The following LRRK2 variants were observed in gnomAD, a reference collection of about 807,000 sequenced individuals.
LRRK2 encodes the protein leucine-rich repeat serine/threonine-protein kinase 2.
In LRRK2, 203 loss-of-function variants were observed where a neutral mutation model predicts 302.6. That is an observed-to-expected ratio of 0.67 (90% CI 0.60 to 0.75). LRRK2 has a LOEUF of 0.75. LRRK2 is among the 30% of genes least tolerant of loss of function. The pLI, the probability that LRRK2 is intolerant of heterozygous loss-of-function variation, is 0.00. For synonymous variants in LRRK2, 1,066 were observed against 1,031.9 expected (o/e 1.03, Z -0.63); for missense variants, 2,830 against 2,951.0 (o/e 0.96, Z 0.95).
intron 33 of LRRK2, among the ~76,000 whole-genome samples, chr12:40,318,160 A>C (rs1220594505): frequency 3.3e-5 from 5 of 152,068 alleles, no homozygotes; most frequent in Non-Finnish European, 5.9e-5. Context: ...TAGGCCAAGG[A>C]CTGGCAAAAA....
intron 42 of LRRK2, among the ~76,000 whole-genome samples, 185 bp downstream of exon 42, chr12:40,347,108 C>G (rs1387775912): frequency 6.6e-6 from 1 of 152,018 alleles, no homozygotes; most frequent in Non-Finnish European, 1.5e-5. Flanking sequence ...CAGTTTTAGG[C>G]TTTTTAAAAA....
intron 47 of LRRK2, among the ~76,000 whole-genome samples, chr12:40,359,953 A>G (rs1302444231): frequency 6.6e-6 from 1 of 152,200 alleles, no homozygotes; most frequent in African/African-American, 2.4e-5. Context: ...ACAAGAATAA[A>G]ATAAAATATT....
Position 40,274,618 on chromosome 12 carries a change from A to T in LRRK2, c.1692A>T (p.Leu564Phe). Residue 564 changes from leucine (L) to phenylalanine (F), a missense_variant, in exon 15 of 51, where the codon TTA (leucine) becomes TTT (phenylalanine). Transcript: ENST00000298910. ...IGNPGIQKCG[L>F]KVISSIVHFP... Reference sequence around the variant, plus strand: ...ATCCTGGGATTCAGAAATGTGGATTAAAAGTAATTTCTTCTATTGTACATT... The same window carrying T: ...ATCCTGGGATTCAGAAATGTGGATTTAAAGTAATTTCTTCTATTGTACATT... 1 of 1,613,902 alleles carries T rather than the reference A, an allele frequency of 6.2e-7. No individual in the cohort carries two copies. The highest frequency in any genetic ancestry group is 8.5e-7 in the Non-Finnish European group (1 of 1,179,858).
intron 44 of LRRK2, among the ~76,000 whole-genome samples, chr12:40,352,927 G>T (rs138382676): frequency 6.6e-6 from 1 of 152,046 alleles, no homozygotes; most frequent in Non-Finnish European, 1.5e-5. Context: ...TTTTCTACTC[G>T]ACAAAACCGC....
At chr12:40,296,105 A>T (rs906300768) in intron 23 of LRRK2, among the ~76,000 whole-genome samples, 2 of 152,114 alleles carry the variant, frequency 1.3e-5, no homozygotes, top group African/African-American at 4.8e-5. Flanking sequence ...CAACTAAATG[A>T]TTACTGAAAG....
chr12:40,299,705 G>T (rs964120091), intron 25 of LRRK2, among the ~76,000 whole-genome samples: 1 of 152,112 alleles, frequency 6.6e-6, no homozygotes, highest in African/African-American at 2.4e-5. Flanking sequence ...GCAGTATAAA[G>T]AATGAACCCT....
chr12:40,332,958 C>T (rs1258241636), intron 39 of LRRK2, among the ~76,000 whole-genome samples: 2 of 40,596 alleles, frequency 4.9e-5, no homozygotes, highest in Admixed American at 6.0e-4. Flanking sequence ...TGCTTCTTCT[C>T]TTAAAAAAAA....
In LRRK2 at chr12:40,263,820, A is replaced by G; in HGVS notation, c.1575A>G (p.Glu525=). ...GMPEESREDT[E]FHHKLNMVKK... ...CAGAAGAATCCAGGGAGGATACAGA[A>G]TTTCATCATAAGCTAAATATGGTTA... Residue 525 remains glutamate, a synonymous_variant, in exon 14 of 51, where the codon GAA becomes GAG. Coordinates refer to ENST00000298910, the MANE Select transcript of LRRK2 (RefSeq NM_198578.4). 1 of 1,613,236 alleles carries G rather than the reference A, an allele frequency of 6.2e-7. No homozygotes were observed. Among genetic ancestry groups the G allele is most frequent in the Non-Finnish European group, 8.5e-7 (1 of 1,179,442 alleles).
intron 41 of LRRK2, among the ~76,000 whole-genome samples, chr12:40,343,051 T>A (rs1946096144): frequency 6.6e-6 from 1 of 152,196 alleles, no homozygotes; most frequent in African/African-American, 2.4e-5. Flanking sequence ...TACAAGGTCC[T>A]ATGGGACAAA....
intron 7 of LRRK2, 54 bp downstream of exon 7, chr12:40,243,735 TAAAAC>T: frequency 4.7e-6 from 7 of 1,497,232 alleles, no homozygotes; most frequent in South Asian, 1.1e-5. Flanking sequence ...CATATACATA[TAAAAC>T]ATATATATGT....
intron 39 of LRRK2, among the ~76,000 whole-genome samples, chr12:40,334,023 G>C (rs1344283430): frequency 6.6e-6 from 1 of 152,154 alleles, no homozygotes; most frequent in Non-Finnish European, 1.5e-5. Context: ...AGGGAAATGG[G>C]AAGTCATTAG....
chr12:40,355,777 C>G (rs1222483530), intron 45 of LRRK2, among the ~76,000 whole-genome samples: 1 of 151,988 alleles, frequency 6.6e-6, no homozygotes, highest in African/African-American at 2.4e-5. Context: ...CTCCTGACCT[C>G]AGGTGATCTG....
At chr12:40,254,377 A>G (rs923815433) in intron 11 of LRRK2, among the ~76,000 whole-genome samples, 2 of 152,142 alleles carry the variant, frequency 1.3e-5, no homozygotes, top group African/African-American at 4.8e-5. Flanking sequence ...CACCTCTCCA[A>G]TGGCACTTTA....
At chr12:40,309,867 A>C (rs1944977895) in intron 30 of LRRK2, among the ~76,000 whole-genome samples, 1 of 152,182 alleles carries the variant, frequency 6.6e-6, no homozygotes. Context: ...AATTGGCTGC[A>C]TACATGCTTG....
At chr12:40,356,080 T>C (rs753886456) in intron 45 of LRRK2, 35 bp from the exon 46 acceptor site, 5 of 1,488,528 alleles carry the variant, frequency 3.4e-6, no homozygotes, top group Non-Finnish European at 4.7e-6. Context: ...ACATACATGT[T>C]CTTTTTGTAA....
chr12:40,351,068 G>A (rs949779870), intron 43 of LRRK2, among the ~76,000 whole-genome samples: 3 of 151,834 alleles, frequency 2.0e-5, no homozygotes, highest in South Asian at 2.1e-4. Flanking sequence ...GTTTTCTTAC[G>A]GTGCCTTCAC....
chr12:40,309,047 A>G, intron 29 of LRRK2, 59 bp from the exon 30 acceptor site: 1 of 1,579,854 alleles, frequency 6.3e-7, no homozygotes, highest in Non-Finnish European at 8.6e-7. Context: ...TTTTTTTAAA[A>G]AAGGATTCTT....
chr12:40,291,375 A>G (rs1456767076), intron 20 of LRRK2, among the ~76,000 whole-genome samples: 4 of 151,608 alleles, frequency 2.6e-5, no homozygotes, highest in Non-Finnish European at 5.9e-5. Context: ...ACATGTATAC[A>G]TATGTAACAA....
Position 40,263,861 on chromosome 12 carries a change from A to G in LRRK2, c.1616A>G (p.Lys539Arg), listed in dbSNP as rs55968234. 88 of 1,613,068 alleles carry G rather than the reference A, an allele frequency of 5.5e-5. No individual in the cohort carries two copies. The highest frequency in any genetic ancestry group is 7.2e-5 in the Non-Finnish European group (85 of 1,179,322). ...AATATGGTTAAAAAACAGTGTTTCA[A>G]GAATGATATTCACAAACTGGTCCTA... is the stretch of plus-strand genomic sequence containing the variant. Reference protein sequence around the residue: ...KLNMVKKQCFKNDIHKLVLAA... With the variant: ...KLNMVKKQCFRNDIHKLVLAA... Residue 539 changes from lysine (K) to arginine (R), a missense_variant, in exon 14 of 51, where the codon AAG (lysine) becomes AGG (arginine). This residue lies in a region of LRRK2 where 2,121 missense variants were observed against 2,148.0 expected (regional missense o/e 0.99). Transcript: ENST00000298910.
Sources: gnomAD v4.1 joint callset for allele counts (sites outside exome capture counted in the v4.1 genomes callset) on GRCh38, gnomAD v4.1.1 for gene constraint, gnomAD v4.1.1 regional missense constraint, MANE v1.5 for transcripts, NCBI Gene and HGNC (gene_info 2026-07-23, HGNC 2026-07-21) for gene names.